Variants in ODAPH observed in about 807,000 individuals in gnomAD.
The protein encoded by ODAPH is odontogenesis associated phosphoprotein.
ODAPH carries 2 observed loss-of-function variants against 2.8 expected under a neutral mutation model. That is an observed-to-expected ratio of 0.72 (90% CI 0.30 to 2.28). The LOEUF is 2.28. Ranked by LOEUF, ODAPH falls within the 30% of genes most tolerant of loss-of-function variation. The pLI is 0.13. For synonymous variants in ODAPH, 75 were observed against 60.3 expected (o/e 1.24, Z -1.13); for missense variants, 159 against 163.3 (o/e 0.97, Z 0.14).
chr4:75,560,715 A>G (rs1467747899), intron 1 of ODAPH, among the ~76,000 whole-genome samples: 1 of 152,224 alleles, frequency 6.6e-6, no homozygotes, highest in Non-Finnish European at 1.5e-5. Context: ...TGGACATCCC[A>G]GAGTCAGAGA....
chr4:75,561,223 C>CAAAAAAAAA, intron 1 of ODAPH, among the ~76,000 whole-genome samples: 1 of 62,684 alleles, frequency 1.6e-5, no homozygotes, highest in Non-Finnish European at 2.9e-5. Context: ...AACTCAATCT[C>CAAAAAAAAA]AAAAAAAAAA....
intron 1 of ODAPH, among the ~76,000 whole-genome samples, chr4:75,563,031 T>G (rs1003706462): frequency 1.7e-5 from 2 of 119,686 alleles, no homozygotes; most frequent in African/African-American, 6.5e-5. Flanking sequence ...TTTTTTTTTT[T>G]TTTTTTTTTT....
In ODAPH at chr4:75,556,092, A is replaced by C. The variant is rs1468193804; in HGVS notation, c.10A>C (p.Arg4=). The C allele has an allele frequency of 6.2e-7, 1 of 1,614,084 alleles. No individual in the cohort carries two copies. MAR[R]HCFSYWLLVC... Reference sequence around the variant, plus strand: ...CTGCTCAGTAGAAGCCATGGCTCGCAGACACTGCTTCTCCTACTGGTTACT... The same window carrying C: ...CTGCTCAGTAGAAGCCATGGCTCGCCGACACTGCTTCTCCTACTGGTTACT... Residue 4 remains arginine, a synonymous_variant, in exon 1 of 2, where the codon AGA becomes CGA. Transcript: ENST00000311623.
Position 75,564,274 on chromosome 4 carries a change from A to C in ODAPH, c.228A>C (p.Pro76=). The change falls in exon 2 of 2, where the codon CCA becomes CCC. Residue 76 remains proline, a synonymous_variant. Coordinates refer to ENST00000311623, the MANE Select transcript of ODAPH (RefSeq NM_178497.5). Reference sequence around the variant, plus strand: ...CCAGGTGTCCCTTCCATTTTTTTCCACGAAGGCCCAGAATCCATTTTAGGT... The same window carrying C: ...CCAGGTGTCCCTTCCATTTTTTTCCCCGAAGGCCCAGAATCCATTTTAGGT... The part of the protein sequence containing the change: ...KTPRCPFHFF[P]RRPRIHFRFP... The C allele has an allele frequency of 6.2e-7, 1 of 1,614,142 alleles. No individual in the cohort carries two copies. Among genetic ancestry groups the C allele is most frequent in the Non-Finnish European group, 8.5e-7 (1 of 1,180,010 alleles).
Position 75,561,109 on chromosome 4 carries a change from G to A in ODAPH, c.68-3005G>A, listed in dbSNP as rs932932493. On this transcript the variant is annotated intron_variant, in intron 1 of 1. Coordinates refer to ENST00000311623, the MANE Select transcript of ODAPH (RefSeq NM_178497.5). ...CGTGGTGGCGCGCGCCTGTAGTCCC[G>A]GCTACTCGGGAGGCTGAGGCAGGAG... Among the ~76,000 whole-genome samples the A allele has an allele frequency of 6.2e-4, 94 of 151,010 alleles. 1 individual carries two copies. Among genetic ancestry groups the A allele is most frequent in the African/African-American group, 2.2e-3 (89 of 41,122 alleles).
In ODAPH at chr4:75,564,471, A is replaced by T; in HGVS notation, c.*32A>T. On this transcript the variant is annotated 3_prime_UTR_variant, in exon 2 of 2. Transcript: ENST00000311623. ...AGAGAAACCCAAACATACTGAAGCA[A>T]AAAAAAGCCTATCCTTCAGAAAAAA... 1 of 1,613,840 alleles carries T rather than the reference A, an allele frequency of 6.2e-7. No individual in the cohort carries two copies. The highest frequency in any genetic ancestry group is 8.5e-7 in the Non-Finnish European group (1 of 1,180,022).
chr4:75,556,712 A>G, intron 1 of ODAPH: 1 of 717,618 alleles, frequency 1.4e-6, no homozygotes, highest in Non-Finnish European at 2.4e-6. Context: ...AACTGTTCCT[A>G]TTCTCTTTCT....
chr4:75,561,874 C>T (rs1046363861), intron 1 of ODAPH, among the ~76,000 whole-genome samples: 5 of 152,108 alleles, frequency 3.3e-5, no homozygotes, highest in African/African-American at 1.2e-4. Flanking sequence ...CACACCAAGG[C>T]TGCTGCTCCC....
In ODAPH at chr4:75,564,193, C is replaced by A. The variant is rs751460623; in HGVS notation, c.147C>A (p.Thr49=). The change falls in exon 2 of 2, where the codon ACC becomes ACA. Residue 49 remains threonine (T), a synonymous_variant. Transcript: ENST00000311623. ...DATDCQIFTL[T]PPPAPRSPVT... ...CCGACTGCCAGATCTTTACACTCAC[C>A]CCTCCACCTGCCCCGAGGAGTCCGG... The A allele has an allele frequency of 3.7e-6, 6 of 1,614,190 alleles. No homozygotes were observed. The highest frequency in any genetic ancestry group is 5.1e-6 in the Non-Finnish European group (6 of 1,180,026).
chr4:75,556,964 C>T (rs547264381), intron 1 of ODAPH, among the ~76,000 whole-genome samples: 2 of 152,128 alleles, frequency 1.3e-5, no homozygotes, highest in Non-Finnish European at 2.9e-5. Flanking sequence ...GGGTAGGGGG[C>T]TTTGCAGGGG....
chr4:75,562,512 G>T (rs1383003222), intron 1 of ODAPH, among the ~76,000 whole-genome samples: 1 of 151,812 alleles, frequency 6.6e-6, no homozygotes, highest in Admixed American at 6.6e-5. Context: ...GCTAATTTTT[G>T]TATTTTTAGT....
At chr4:75,558,414 C>T (rs1422821439) in intron 1 of ODAPH, among the ~76,000 whole-genome samples, 1 of 151,864 alleles carries the variant, frequency 6.6e-6, no homozygotes, top group East Asian at 1.9e-4. Flanking sequence ...GAACTGCACA[C>T]TTAAACTTTA....
At chr4:75,564,076 C>T in intron 1 of ODAPH, 38 bp from the exon 2 acceptor site, 1 of 1,596,928 alleles carries the variant, frequency 6.3e-7, no homozygotes, top group Non-Finnish European at 8.6e-7. Context: ...GCTTCTGTTA[C>T]CAGACCTGTT....
chr4:75,564,261 T>C lies in ODAPH; in HGVS notation c.215T>C (p.Phe72Ser). 1 of 1,614,176 alleles carries C rather than the reference T, an allele frequency of 6.2e-7. No individual in the cohort carries two copies. Among genetic ancestry groups the C allele is most frequent in the Non-Finnish European group, 8.5e-7 (1 of 1,180,036 alleles). Residue 72 changes from phenylalanine to serine, a missense_variant, in exon 2 of 2, where the codon TTC becomes TCC. Transcript: ENST00000311623. ...QPITKTPRCP[F>S]HFFPRRPRIH... Reference sequence around the variant, plus strand: ...ATCACAAAGACACCCAGGTGTCCCTTCCATTTTTTTCCACGAAGGCCCAGA... The same window carrying C: ...ATCACAAAGACACCCAGGTGTCCCTCCCATTTTTTTCCACGAAGGCCCAGA...
intron 1 of ODAPH, among the ~76,000 whole-genome samples, chr4:75,558,403 A>C (rs1365101211): frequency 6.6e-6 from 1 of 152,182 alleles, no homozygotes; most frequent in African/African-American, 2.4e-5. Context: ...ATGTAAGGGA[A>C]GAACTGCACA....
rs552088197 is a variant in ODAPH, at chr4:75,557,351, C to G, written c.67+1202C>G. ...TATTTTATTCACATCTTAAAAACAC[C>G]CACTGAGGCTGGGTACAGTGGCTCA... On this transcript the variant is annotated intron_variant, in intron 1 of 1. Coordinates refer to ENST00000311623, the MANE Select transcript of ODAPH (RefSeq NM_178497.5). 7.2e-5 allele frequency among the ~76,000 whole-genome samples: 11 copies of G among 152,112 alleles called. No individual in the cohort carries two copies. In the South Asian group the frequency reaches 2.3e-3, roughly 32 times the overall value.
At chr4:75,556,564 CA>C (rs773571663) in intron 1 of ODAPH, 116 of 1,535,106 alleles carry the variant, frequency 7.6e-5, no homozygotes, top group Admixed American at 2.2e-4. Flanking sequence ...CTATCTCCAG[CA>C]GCATATTAAT....
chr4:75,556,104 T>C lies in ODAPH; in HGVS notation c.22T>C (p.Ser8Pro), dbSNP rs1300955340. 3 of 1,614,192 alleles carry C rather than the reference T, an allele frequency of 1.9e-6. No individual in the cohort carries two copies. The highest frequency in any genetic ancestry group is 2.5e-6 in the Non-Finnish European group (3 of 1,180,026). Residue 8 changes from serine (S) to proline (P), a missense_variant, in exon 1 of 2, where the codon TCC becomes CCC. Physicochemically the swap from Ser to Pro is moderately conservative, Grantham distance 74. Transcript: ENST00000311623. MARRHCF[S>P]YWLLVCWLVV... Reference sequence around the variant, plus strand: ...AGCCATGGCTCGCAGACACTGCTTCTCCTACTGGTTACTGGTATGCTGGTT... The same window carrying C: ...AGCCATGGCTCGCAGACACTGCTTCCCCTACTGGTTACTGGTATGCTGGTT...
At chr4:75,560,426 G>A (rs1727516330) in intron 1 of ODAPH, among the ~76,000 whole-genome samples, 1 of 152,222 alleles carries the variant, frequency 6.6e-6, no homozygotes, top group Non-Finnish European at 1.5e-5. Flanking sequence ...ATCAGCTGAA[G>A]TCACAGACCA....
Sources: allele counts gnomAD v4.1 joint callset (sites outside exome capture counted in the v4.1 genomes callset), GRCh38; gene constraint gnomAD v4.1.1; transcripts MANE v1.5; gene names NCBI Gene and HGNC (gene_info 2026-07-23, HGNC 2026-07-21).